Variants in SCGN observed in about 807,000 individuals in gnomAD.
SCGN encodes secretagogin.
A neutral mutation model predicts 39.7 loss-of-function variants in SCGN; 30 were observed. The observed-to-expected ratio is 0.76, with a 90% CI of 0.57 to 1.03. SCGN has a LOEUF of 1.03. Ranked by LOEUF, SCGN falls within the 50% of genes least tolerant of loss-of-function variation. The pLI is 0.00. For missense variants in SCGN, 353 were observed against 349.4 expected, an observed-to-expected ratio of 1.01 and a Z score of -0.08; for synonymous variants, 106 against 114.1, an observed-to-expected ratio of 0.93 and a Z score of 0.45.
intron 8 of SCGN, 103 bp from the exon 9 acceptor site, chr6:25,689,370 G>A: frequency 1.6e-6 from 2 of 1,212,610 alleles, no homozygotes; most frequent in South Asian, 2.6e-5. Context: ...GGATCTTAAA[G>A]GTCATTGACT....
At chr6:25,686,258 G>A (rs761115229) in intron 7 of SCGN, among the ~76,000 whole-genome samples, 12 of 152,136 alleles carry the variant, frequency 7.9e-5, no homozygotes, top group Non-Finnish European at 1.0e-4. Flanking sequence ...GGTTCGTGTC[G>A]TAATTTTACA....
intron 2 of SCGN, among the ~76,000 whole-genome samples, chr6:25,657,308 A>T (rs1329495023): frequency 6.6e-6 from 1 of 152,100 alleles, no homozygotes; most frequent in African/African-American, 2.4e-5. Context: ...GGAGGCAGAA[A>T]TCCAATGCTC....
intron 10 of SCGN, among the ~76,000 whole-genome samples, chr6:25,696,355 T>C (rs1474907093): frequency 6.6e-6 from 1 of 152,154 alleles, no homozygotes. Flanking sequence ...TAGTGAATAA[T>C]AGACATTACA....
chr6:25,693,275 C>T (rs1258182320), intron 10 of SCGN, among the ~76,000 whole-genome samples: 1 of 151,720 alleles, frequency 6.6e-6, no homozygotes, highest in African/African-American at 2.4e-5. Context: ...CGCGGTGAAA[C>T]CCCATCTCTA....
intron 7 of SCGN, among the ~76,000 whole-genome samples, chr6:25,683,290 C>T (rs1759661680): frequency 6.6e-6 from 1 of 152,132 alleles, no homozygotes; most frequent in Admixed American, 6.5e-5. Flanking sequence ...GTGAAAGAGC[C>T]AATCCCAAAG....
At chr6:25,684,228 G>A (rs1036320401) in intron 7 of SCGN, among the ~76,000 whole-genome samples, 5 of 152,118 alleles carry the variant, frequency 3.3e-5, no homozygotes, top group African/African-American at 9.7e-5. Flanking sequence ...GTGTACTTGG[G>A]GGGATTCAAT....
chr6:25,693,792 C>T (rs1263658694), intron 10 of SCGN, among the ~76,000 whole-genome samples: 1 of 152,156 alleles, frequency 6.6e-6, no homozygotes, highest in Non-Finnish European at 1.5e-5. Context: ...AGTTAAGAAG[C>T]TGATGAGAAT....
At chr6:25,668,472 T>C (rs56246159) in intron 4 of SCGN, among the ~76,000 whole-genome samples, 14,459 of 152,294 alleles carry the variant, frequency 0.095, 778 homozygotes, top group Non-Finnish European at 0.12. Flanking sequence ...AGAGTTATTT[T>C]ATCCCCTCCA....
At chr6:25,661,497 A>T in intron 2 of SCGN, 55 bp from the exon 3 acceptor site, 1 of 1,192,010 alleles carries the variant, frequency 8.4e-7, no homozygotes, top group Non-Finnish European at 1.3e-6. Context: ...TGCCATCCTA[A>T]CTATATCTTT....
chr6:25,659,741 A>G (rs757398700), intron 2 of SCGN, among the ~76,000 whole-genome samples: 2 of 152,186 alleles, frequency 1.3e-5, no homozygotes, highest in Non-Finnish European at 2.9e-5. Flanking sequence ...AACATTTGCC[A>G]TATGCTGTCT....
chr6:25,691,923 C>A (rs77737921), intron 10 of SCGN, among the ~76,000 whole-genome samples: 5,438 of 152,244 alleles, frequency 0.036, 286 homozygotes, highest in African/African-American at 0.11. Context: ...TGGAACCTTG[C>A]AGCTGAAAAA....
intron 10 of SCGN, 126 bp from the exon 11 acceptor site, chr6:25,701,081 C>T: frequency 9.9e-7 from 1 of 1,006,856 alleles, no homozygotes; most frequent in East Asian, 2.9e-5. Flanking sequence ...AGACTCATTC[C>T]CTCACTCCCT....
At chr6:25,669,883 G>A (rs1379723496) in intron 5 of SCGN, 116 bp from the exon 6 acceptor site, 2 of 888,098 alleles carry the variant, frequency 2.3e-6, no homozygotes, top group Non-Finnish European at 1.8e-6. Flanking sequence ...CTTGCTAAAA[G>A]CATTTTATTT....
rs768125991 is a variant in SCGN, at chr6:25,661,680, C to G, written c.246+36C>G. ...TGACAGTATTTTTCATGGCTCTACT[C>G]TTCTTGACTGTTTTTTTCTTTACTT... On this transcript the variant is annotated intron_variant, in intron 3 of 10. Transcript: ENST00000377961. 7.4e-6 allele frequency: 10 copies of G among 1,348,290 alleles called. No individual in the cohort carries two copies. In the South Asian group the frequency reaches 1.1e-4, roughly 14 times the overall value. 83.5% of individuals were successfully genotyped at this position (1,348,290 alleles called of 1,614,324 possible).
chr6:25,676,984 C>T (rs1759571580), intron 6 of SCGN, among the ~76,000 whole-genome samples: 1 of 152,090 alleles, frequency 6.6e-6, no homozygotes. Flanking sequence ...CAAACTCTTG[C>T]GTCATCTGGT....
intron 7 of SCGN, among the ~76,000 whole-genome samples, chr6:25,683,421 G>T (rs1759663646): frequency 6.6e-6 from 1 of 152,200 alleles, no homozygotes; most frequent in Non-Finnish European, 1.5e-5. Context: ...GCACGTCTCA[G>T]AGGTAGTGAG....
intron 3 of SCGN, 33 bp downstream of exon 3, chr6:25,661,677 ACT>A (rs1561761046): frequency 7.4e-7 from 1 of 1,346,244 alleles, no homozygotes; most frequent in Non-Finnish European, 1.1e-6. Context: ...TCATGGCTCT[ACT>A]CTTCTTGACT....
chr6:25,673,360 T>C (rs889450211), intron 6 of SCGN, among the ~76,000 whole-genome samples: 1 of 152,210 alleles, frequency 6.6e-6, no homozygotes, highest in Non-Finnish European at 1.5e-5. Context: ...AGTATGTGGC[T>C]GGAAAAAGAT....
chr6:25,689,150 A>ATTTTTTTT (rs11327870), intron 7 of SCGN, 22 bp from the exon 8 acceptor site: 12 of 1,271,528 alleles, frequency 9.4e-6, no homozygotes, highest in Non-Finnish European at 9.7e-6. Flanking sequence ...CCTTACGTGG[A>ATTTTTTTT]TTTTTTTTTT....
Sources: gnomAD v4.1 joint callset for allele counts (sites outside exome capture counted in the v4.1 genomes callset) on GRCh38, gnomAD v4.1.1 for gene constraint, MANE v1.5 for transcripts, NCBI Gene and HGNC (gene_info 2026-07-23, HGNC 2026-07-21) for gene names.